SLC25A21: variants seen among roughly 807,000 people sequenced by gnomAD.
The protein encoded by SLC25A21 is mitochondrial 2-oxodicarboxylate carrier.
A neutral mutation model predicts 43.8 loss-of-function variants in SLC25A21; 47 were observed. The ratio of observed to expected loss-of-function variants is 1.07; its 90% CI spans 0.85 to 1.37. The LOEUF is 1.37. Ranked by LOEUF, SLC25A21 falls within the 40% of genes most tolerant of loss-of-function variation. The pLI is 0.00. For synonymous variants in SLC25A21, 131 were observed against 121.3 expected (o/e 1.08, Z -0.52); for missense variants, 352 against 350.2 (o/e 1.00, Z -0.04).
intron 1 of SLC25A21, among the ~76,000 whole-genome samples, chr14:36,983,596 A>G (rs1361335558): frequency 6.6e-6 from 1 of 152,240 alleles, no homozygotes; most frequent in Non-Finnish European, 1.5e-5. Flanking sequence ...TCAAAGTACT[A>G]AAACAGAACT....
intron 1 of SLC25A21, among the ~76,000 whole-genome samples, chr14:36,885,615 T>G (rs1890890842): frequency 6.6e-6 from 1 of 152,222 alleles, no homozygotes; most frequent in Non-Finnish European, 1.5e-5. Context: ...TTCCATTTAC[T>G]TGTATTGTCT....
At chr14:36,917,408 T>C (rs913894441) in intron 1 of SLC25A21, among the ~76,000 whole-genome samples, 3 of 152,126 alleles carry the variant, frequency 2.0e-5, no homozygotes, top group African/African-American at 7.2e-5. Context: ...GTGCTTCCAA[T>C]CATAATTAAG....
intron 1 of SLC25A21, among the ~76,000 whole-genome samples, chr14:36,943,067 CAG>C (rs1372880478): frequency 1.3e-5 from 2 of 152,134 alleles, no homozygotes; most frequent in African/African-American, 2.4e-5. Flanking sequence ...TACTACATGC[CAG>C]AGAGAGTCAC....
chr14:36,770,029 C>T (rs1886558793), intron 3 of SLC25A21, among the ~76,000 whole-genome samples: 1 of 152,158 alleles, frequency 6.6e-6, no homozygotes, highest in Non-Finnish European at 1.5e-5. Flanking sequence ...ATCCATCCTT[C>T]CCCAGTCAAT....
chr14:37,094,255 C>T (rs1962643447), intron 1 of SLC25A21, among the ~76,000 whole-genome samples: 1 of 152,116 alleles, frequency 6.6e-6, no homozygotes, highest in Admixed American at 6.6e-5. Context: ...TGATCAATCT[C>T]CGCTCACCAG....
At chr14:37,154,735 C>T (rs770237836) in intron 1 of SLC25A21, among the ~76,000 whole-genome samples, 23 of 151,300 alleles carry the variant, frequency 1.5e-4, no homozygotes, top group Non-Finnish European at 2.8e-4. Flanking sequence ...TTCCACTTCC[C>T]CAGTTCAAGC....
At chr14:36,715,209 A>G (rs1274594165) in intron 6 of SLC25A21, among the ~76,000 whole-genome samples, 1 of 152,204 alleles carries the variant, frequency 6.6e-6, no homozygotes, top group Admixed American at 6.5e-5. Flanking sequence ...AGAAAACCAG[A>G]ACTCAATTGC....
intron 1 of SLC25A21, among the ~76,000 whole-genome samples, chr14:37,131,258 C>G (rs1963386981): frequency 6.6e-6 from 1 of 152,076 alleles, no homozygotes; most frequent in Non-Finnish European, 1.5e-5. Context: ...AAAGAAGTAA[C>G]AAAAAGGAAT....
intron 1 of SLC25A21, among the ~76,000 whole-genome samples, chr14:37,126,312 C>T (rs934428954): frequency 2.0e-5 from 3 of 152,046 alleles, no homozygotes; most frequent in Non-Finnish European, 2.9e-5. Context: ...TGGTGATTTA[C>T]CAAAGCCACC....
intron 1 of SLC25A21, among the ~76,000 whole-genome samples, chr14:37,078,519 TA>T (rs913862117): frequency 1.5e-4 from 23 of 152,150 alleles, no homozygotes; most frequent in African/African-American, 5.5e-4. Flanking sequence ...TTTGTCCACA[TA>T]AAAAAGAAGA....
At chr14:37,122,704 T>C (rs142690888) in intron 1 of SLC25A21, among the ~76,000 whole-genome samples, 91 of 152,328 alleles carry the variant, frequency 6.0e-4, no homozygotes, top group African/African-American at 2.0e-3. Context: ...TTTAACTCCA[T>C]TTGGATATAT....
intron 1 of SLC25A21, among the ~76,000 whole-genome samples, chr14:37,118,229 C>CTTTTCAGG (rs1963141767): frequency 6.6e-6 from 1 of 152,112 alleles, no homozygotes; most frequent in Admixed American, 6.6e-5. Flanking sequence ...TTTGAGATGT[C>CTTTTCAGG]TTTTCAGGTT....
intron 1 of SLC25A21, among the ~76,000 whole-genome samples, chr14:37,047,288 A>T (rs1216554917): frequency 1.3e-5 from 2 of 152,238 alleles, no homozygotes; most frequent in South Asian, 4.1e-4. Context: ...TCCTCGGAAC[A>T]TGCAAATAAA....
chr14:37,161,494 C>T (rs12883863), intron 1 of SLC25A21, among the ~76,000 whole-genome samples: 33,631 of 151,950 alleles, frequency 0.22, 4,223 homozygotes, highest in South Asian at 0.3. Context: ...GGGTTGGTCC[C>T]AGAAAAAGAT....
chr14:36,871,619 A>G (rs958844763), intron 2 of SLC25A21, among the ~76,000 whole-genome samples: 4 of 152,200 alleles, frequency 2.6e-5, no homozygotes. Flanking sequence ...TAAATATTAA[A>G]ATAAATAACA....
chr14:36,751,033 T>C (rs1350240822), intron 3 of SLC25A21, among the ~76,000 whole-genome samples: 3 of 152,182 alleles, frequency 2.0e-5, no homozygotes, highest in Non-Finnish European at 4.4e-5. Context: ...GGGGCTTTGT[T>C]CCTCTGAGGG....
intron 2 of SLC25A21, among the ~76,000 whole-genome samples, chr14:36,835,304 T>C (rs751693436): frequency 7.9e-5 from 12 of 152,202 alleles, no homozygotes; most frequent in Non-Finnish European, 1.3e-4. Context: ...AAGTTCATCC[T>C]ACATGACATT....
chr14:37,011,101 T>A (rs564593541), intron 1 of SLC25A21, among the ~76,000 whole-genome samples: 2 of 152,034 alleles, frequency 1.3e-5, no homozygotes, highest in Non-Finnish European at 2.9e-5. Flanking sequence ...TGGCCAGGCT[T>A]GTCTCAAACT....
intron 3 of SLC25A21, among the ~76,000 whole-genome samples, chr14:36,741,568 A>G (rs556926605): frequency 1.3e-5 from 2 of 152,212 alleles, no homozygotes; most frequent in Non-Finnish European, 2.9e-5. Context: ...ATTCATAATC[A>G]AAGTCCAGCA....
Sources: gnomAD v4.1 joint callset for allele counts (sites outside exome capture counted in the v4.1 genomes callset) on GRCh38, gnomAD v4.1.1 for gene constraint, MANE v1.5 for transcripts, NCBI Gene and HGNC (gene_info 2026-07-23, HGNC 2026-07-21) for gene names.